The following SEMA6D variants were observed in gnomAD, a reference collection of about 807,000 sequenced individuals.
SEMA6D encodes the protein semaphorin 6D.
A neutral mutation model predicts 106.6 loss-of-function variants in SEMA6D; 35 were observed. That is an observed-to-expected ratio of 0.33 (90% CI 0.25 to 0.44). The LOEUF (loss-of-function observed/expected upper bound fraction) is 0.44, where lower values mean the gene tolerates loss of function less well. Ranked by LOEUF, SEMA6D falls within the 20% of genes least tolerant of loss-of-function variation. The probability of loss-of-function intolerance (pLI) is 1.00; values close to 1 mark genes in which losing one functional copy is unlikely to be tolerated. For missense variants in SEMA6D, 1,185 were observed against 1,345.9 expected, an observed-to-expected ratio of 0.88 and a Z score of 1.87; for synonymous variants, 499 against 487.7, an observed-to-expected ratio of 1.02 and a Z score of -0.31.
intron 2 of SEMA6D, among the ~76,000 whole-genome samples, chr15:47,456,097 C>G (rs2140982115): frequency 6.6e-6 from 1 of 151,964 alleles, no homozygotes; most frequent in Admixed American, 6.6e-5. Context: ...TCTTATTGTT[C>G]TTTAGGAGCT....
intron 1 of SEMA6D, among the ~76,000 whole-genome samples, chr15:47,407,415 AAAC>A (rs1471102397): frequency 1.7e-4 from 26 of 150,506 alleles, no homozygotes; most frequent in Admixed American, 4.6e-4. Context: ...ACAACAAAAA[AAAC>A]AAAAAAAACA....
chr15:47,295,068 C>T lies in SEMA6D; in HGVS notation c.-239+110650C>T, dbSNP rs533444529. 2.6e-5 allele frequency among the ~76,000 whole-genome samples: 4 copies of T among 152,222 alleles called. No homozygotes were observed. The East Asian group carries it at 5.8e-4, about 22-fold the overall frequency. On this transcript the variant is annotated intron_variant, in intron 1 of 19. Coordinates refer to the SEMA6D transcript ENST00000558014. ...CAAGAGAAGCAGAAAGACAATAGGC[C>T]GGCAAGAGGGGGCATCAGGTTTGAA...
At chr15:47,587,256 G>A (rs940181143) in intron 3 of SEMA6D, among the ~76,000 whole-genome samples, 8 of 150,308 alleles carry the variant, frequency 5.3e-5, no homozygotes, top group African/African-American at 2.0e-4. Context: ...TCTGTCCTGG[G>A]TTTCAAAGTG....
chr15:47,730,920 T>G (rs2080080012), intron 1 of SEMA6D: 1 of 787,518 alleles, frequency 1.3e-6, no homozygotes, highest in African/African-American at 1.7e-5. Context: ...CCCTTGGCCT[T>G]CTTTCCTTTC....
intron 1 of SEMA6D, among the ~76,000 whole-genome samples, chr15:47,747,286 GTT>G (rs2081198306): frequency 2.6e-5 from 4 of 152,140 alleles, no homozygotes; most frequent in African/African-American, 9.7e-5. Flanking sequence ...CAGAGCAGTG[GTT>G]CTGATCACAG....
chr15:47,524,217 T>C (rs982887248), intron 3 of SEMA6D, among the ~76,000 whole-genome samples: 4 of 152,188 alleles, frequency 2.6e-5, no homozygotes, highest in Non-Finnish European at 4.4e-5. Flanking sequence ...TATCTAGGTA[T>C]GGATGGAACT....
intron 1 of SEMA6D, among the ~76,000 whole-genome samples, chr15:47,223,129 C>T (rs1036858069): frequency 2.0e-5 from 3 of 150,224 alleles, no homozygotes; most frequent in Non-Finnish European, 3.0e-5. Context: ...AAAGACACAC[C>T]ATAGTGCTGA....
chr15:47,431,785 T>A (rs1028295145), intron 2 of SEMA6D, among the ~76,000 whole-genome samples: 1 of 152,164 alleles, frequency 6.6e-6, no homozygotes, highest in East Asian at 1.9e-4. Context: ...AGACTTCAGA[T>A]ACAGTACAGT....
intron 4 of SEMA6D, among the ~76,000 whole-genome samples, chr15:47,650,044 T>C (rs1329068770): frequency 6.6e-6 from 1 of 152,212 alleles, no homozygotes; most frequent in African/African-American, 2.4e-5. Context: ...CACCTCTGCA[T>C]AGACAACATA....
chr15:47,323,623 G>T (rs2037010723), intron 1 of SEMA6D, among the ~76,000 whole-genome samples: 1 of 152,108 alleles, frequency 6.6e-6, no homozygotes, highest in African/African-American at 2.4e-5. Flanking sequence ...TCTGAAACTG[G>T]CAGCTTGATT....
chr15:47,643,139 T>G (rs1213634880), intron 4 of SEMA6D, among the ~76,000 whole-genome samples: 1 of 152,214 alleles, frequency 6.6e-6, no homozygotes, highest in Non-Finnish European at 1.5e-5. Context: ...GTCTTATATG[T>G]GAGATGTCTT....
chr15:47,386,757 T>C (rs756411542), intron 1 of SEMA6D, among the ~76,000 whole-genome samples: 4 of 152,200 alleles, frequency 2.6e-5, no homozygotes, highest in Non-Finnish European at 5.9e-5. Flanking sequence ...CTTTCACTAG[T>C]AGAAGTTCTG....
intron 3 of SEMA6D, among the ~76,000 whole-genome samples, chr15:47,508,924 C>T (rs1019759647): frequency 1.3e-5 from 2 of 152,110 alleles, no homozygotes; most frequent in African/African-American, 4.8e-5. Flanking sequence ...TAGAACAGTG[C>T]CTGGCACTAT....
At chr15:47,499,970 C>G (rs1239977711) in intron 3 of SEMA6D, among the ~76,000 whole-genome samples, 1 of 152,124 alleles carries the variant, frequency 6.6e-6, no homozygotes, top group East Asian at 1.9e-4. Context: ...TAGTTGCTAA[C>G]ACTCTGGCTC....
chr15:47,566,996 T>C (rs1400915614), intron 3 of SEMA6D, among the ~76,000 whole-genome samples: 4 of 152,222 alleles, frequency 2.6e-5, no homozygotes, highest in African/African-American at 9.6e-5. Flanking sequence ...CAGCCTCTCT[T>C]TACTCTTCAA....
intron 3 of SEMA6D, among the ~76,000 whole-genome samples, chr15:47,552,425 G>C (rs923658915): frequency 6.6e-6 from 1 of 151,002 alleles, no homozygotes; most frequent in African/African-American, 2.4e-5. Context: ...CAATAAAAAG[G>C]AAAGAAAGTA....
At chr15:47,515,696 T>C (rs190117233) in intron 3 of SEMA6D, among the ~76,000 whole-genome samples, 1 of 152,308 alleles carries the variant, frequency 6.6e-6, no homozygotes, top group Non-Finnish European at 1.5e-5. Flanking sequence ...CCTTTCCCCT[T>C]GGAGAATATT....
At chr15:47,666,734 A>G (rs1050844082) in intron 4 of SEMA6D, among the ~76,000 whole-genome samples, 1 of 152,172 alleles carries the variant, frequency 6.6e-6, no homozygotes, top group African/African-American at 2.4e-5. Flanking sequence ...CTTTCTCCCT[A>G]TTCTTTACAT....
At chr15:47,341,934 G>GCTA (rs35335814) in intron 1 of SEMA6D, among the ~76,000 whole-genome samples, 17,461 of 151,638 alleles carry the variant, frequency 0.12, 1,336 homozygotes, top group Middle Eastern at 0.25. Context: ...ACACTTTTGA[G>GCTA]CTACTCCAAC....
Sources: gnomAD v4.1 joint callset for allele counts (sites outside exome capture counted in the v4.1 genomes callset) on GRCh38, gnomAD v4.1.1 for gene constraint, MANE v1.5 for transcripts, NCBI Gene and HGNC (gene_info 2026-07-23, HGNC 2026-07-21) for gene names.